KIAA1328: variants seen among roughly 807,000 people sequenced by gnomAD.
KIAA1328 encodes KIAA1328, also known as protein hinderin.
Under a neutral mutation model 68.1 loss-of-function variants are expected in KIAA1328, and 52 were observed. The observed-to-expected ratio is 0.76, with a 90% CI of 0.61 to 0.96. The LOEUF (loss-of-function observed/expected upper bound fraction) is 0.96. Ranked by LOEUF, KIAA1328 falls within the 40% of genes least tolerant of loss-of-function variation. The pLI is 0.00. For missense variants in KIAA1328, 641 were observed against 677.6 expected, an observed-to-expected ratio of 0.95 and a Z score of 0.60; for synonymous variants, 232 against 239.4, an observed-to-expected ratio of 0.97 and a Z score of 0.28.
intron 8 of KIAA1328, among the ~76,000 whole-genome samples, chr18:37,168,032 T>A (rs939421405): frequency 1.3e-5 from 2 of 152,194 alleles, no homozygotes; most frequent in African/African-American, 4.8e-5. Context: ...CTAAGTGAGA[T>A]TTAGCCCAGG....
chr18:37,034,586 A>G lies in KIAA1328; in HGVS notation c.577-32304A>G, dbSNP rs545431634. 2.9e-3 allele frequency among the ~76,000 whole-genome samples: 442 copies of G among 152,312 alleles called. 4 individuals carry two copies. The highest frequency in any genetic ancestry group is 0.01 in the African/African-American group (426 of 41,584). ...ATTTGAATTACAGTTAACTCTTAAT[A>G]CAAATAACCTTGAGTTCACCCAGTA... On this transcript the variant is annotated intron_variant, in intron 6 of 9. Transcript: ENST00000280020.
At chr18:37,110,908 A>G (rs323332) in intron 7 of KIAA1328, among the ~76,000 whole-genome samples, 40,385 of 152,002 alleles carry the variant, frequency 0.27, 8,400 homozygotes, top group African/African-American at 0.58. Flanking sequence ...GAACTCAACT[A>G]TATTTGTTTT....
chr18:37,088,460 C>CT (rs1262039227), intron 7 of KIAA1328, among the ~76,000 whole-genome samples: 1 of 151,986 alleles, frequency 6.6e-6, no homozygotes, highest in African/African-American at 2.4e-5. Context: ...GAGCACTTTT[C>CT]TATGTTTATT....
chr18:37,107,694 A>G (rs781616650), intron 7 of KIAA1328, among the ~76,000 whole-genome samples: 1 of 152,144 alleles, frequency 6.6e-6, no homozygotes, highest in Non-Finnish European at 1.5e-5. Context: ...TGGCACTAAT[A>G]TTTGCACATG....
chr18:37,081,479 C>G (rs923466440), intron 7 of KIAA1328, among the ~76,000 whole-genome samples: 1 of 152,176 alleles, frequency 6.6e-6, no homozygotes, highest in African/African-American at 2.4e-5. Context: ...AATTTTATCA[C>G]TTTGGGTCAT....
At chr18:36,992,640 T>C (rs1431182538) in intron 6 of KIAA1328, among the ~76,000 whole-genome samples, 3 of 152,140 alleles carry the variant, frequency 2.0e-5, no homozygotes, top group Non-Finnish European at 4.4e-5. Context: ...TAATTGAGCA[T>C]TTTTACACAT....
chr18:36,839,115 A>G (rs2046775486), intron 3 of KIAA1328, among the ~76,000 whole-genome samples: 1 of 152,104 alleles, frequency 6.6e-6, no homozygotes, highest in African/African-American at 2.4e-5. Context: ...GTTTTCATCA[A>G]ATTGGGAAAT....
In KIAA1328 at chr18:37,067,162, G is replaced by A; in HGVS notation, c.849G>A (p.Glu283=). 1 of 1,614,014 alleles carries A rather than the reference G, an allele frequency of 6.2e-7. No homozygotes were observed. Among genetic ancestry groups the A allele is most frequent in the Non-Finnish European group, 8.5e-7 (1 of 1,179,878 alleles). The change falls in exon 7 of 10, where the codon GAG becomes GAA. Residue 283 remains glutamate, a synonymous_variant. Coordinates refer to ENST00000280020, the MANE Select transcript of KIAA1328 (RefSeq NM_020776.3). ...SPGRKPAVPT[E]KMPQEELHMK... ...GGAGAAAACCTGCAGTCCCAACAGA[G>A]AAAATGCCACAAGAAGAATTGCACA...
intron 7 of KIAA1328, among the ~76,000 whole-genome samples, chr18:37,154,828 A>G (rs1039516477): frequency 2.6e-5 from 4 of 152,166 alleles, no homozygotes; most frequent in African/African-American, 9.7e-5. Context: ...GCTTTACCTT[A>G]AAGGGATATC....
chr18:36,976,130 G>A (rs1568241109), intron 6 of KIAA1328, among the ~76,000 whole-genome samples: 1 of 152,218 alleles, frequency 6.6e-6, no homozygotes, highest in Non-Finnish European at 1.5e-5. Flanking sequence ...CTCACCATGT[G>A]TGGCTCTTGA....
chr18:37,084,145 T>C, intron 7 of KIAA1328: 1 of 1,508,576 alleles, frequency 6.6e-7, no homozygotes, highest in Non-Finnish European at 8.8e-7. Flanking sequence ...CAGGCTCTGT[T>C]TAAGTCGAGA....
At chr18:37,228,821 GAAAAAAAA>G (rs142722378), downstream of KIAA1328, among the ~76,000 whole-genome samples, 1 of 132,520 alleles carries the variant, frequency 7.5e-6, no homozygotes, top group African/African-American at 2.8e-5. Context: ...TTCCATCTCA[GAAAAAAAA>G]AAGAAAAAAA....
At chr18:36,996,505 A>G (rs2053397155) in intron 6 of KIAA1328, among the ~76,000 whole-genome samples, 1 of 152,230 alleles carries the variant, frequency 6.6e-6, no homozygotes, top group South Asian at 2.1e-4. Flanking sequence ...TTTTAAAAAC[A>G]GTAAGTAAAT....
At chr18:37,009,228 ATCTT>A (rs1439381494) in intron 6 of KIAA1328, among the ~76,000 whole-genome samples, 12 of 152,096 alleles carry the variant, frequency 7.9e-5, no homozygotes, top group African/African-American at 2.9e-4. Context: ...TTTTTTTACT[ATCTT>A]TCTTTCTTAA....
chr18:37,029,417 A>G (rs191016492), intron 6 of KIAA1328, among the ~76,000 whole-genome samples: 2 of 152,154 alleles, frequency 1.3e-5, no homozygotes, highest in African/African-American at 4.8e-5. Flanking sequence ...TGTGTCGCCC[A>G]GGCTGCAGTG....
At chr18:37,082,131 A>G (rs1251951846) in intron 7 of KIAA1328, among the ~76,000 whole-genome samples, 1 of 147,238 alleles carries the variant, frequency 6.8e-6, no homozygotes, top group East Asian at 2.0e-4. Flanking sequence ...ACTTTTATAT[A>G]TCTTTACTAA....
At chr18:37,055,843 A>G (rs562942129) in intron 6 of KIAA1328, among the ~76,000 whole-genome samples, 1 of 152,334 alleles carries the variant, frequency 6.6e-6, no homozygotes, top group South Asian at 2.1e-4. Flanking sequence ...GAGGATTGTT[A>G]TAGGGTGCTT....
At chr18:36,844,821 C>T (rs966267636) in intron 4 of KIAA1328, among the ~76,000 whole-genome samples, 2 of 151,600 alleles carry the variant, frequency 1.3e-5, no homozygotes, top group Non-Finnish European at 3.0e-5. Flanking sequence ...TGTGTAATTT[C>T]TTTGTCAAAT....
At chr18:37,156,823 A>G (rs1189063312) in intron 7 of KIAA1328, among the ~76,000 whole-genome samples, 1 of 152,224 alleles carries the variant, frequency 6.6e-6, no homozygotes, top group East Asian at 1.9e-4. Flanking sequence ...GCTTTTCATC[A>G]GATACTTGAT....
Sources: allele counts gnomAD v4.1 joint callset (sites outside exome capture counted in the v4.1 genomes callset), GRCh38; gene constraint gnomAD v4.1.1; transcripts MANE v1.5; gene names NCBI Gene and HGNC (gene_info 2026-07-23, HGNC 2026-07-21).